LRRK1: variants seen among roughly 807,000 people sequenced by gnomAD.
The protein encoded by LRRK1 is leucine-rich repeat serine/threonine-protein kinase 1.
Under a neutral mutation model 209.1 loss-of-function variants are expected in LRRK1, and 113 were observed. The ratio of observed to expected loss-of-function variants is 0.54; its 90% CI spans 0.46 to 0.63. The LOEUF is 0.63. Among genes scored for constraint, LRRK1 ranks in the 30% least tolerant of loss-of-function variants. The pLI is 0.00. For missense variants in LRRK1, 2,284 were observed against 2,632.2 expected, an observed-to-expected ratio of 0.87 and a Z score of 2.89; for synonymous variants, 1,144 against 1,099.7, an observed-to-expected ratio of 1.04 and a Z score of -0.80.
chr15:101,051,588 A>G (rs1386506409), intron 23 of LRRK1, 123 bp from the exon 24 acceptor site: 2 of 1,271,406 alleles, frequency 1.6e-6, no homozygotes, highest in Non-Finnish European at 2.2e-6. Flanking sequence ...TCTCTTGGGT[A>G]CAGGCCAGGA....
At chr15:101,021,781 T>C (rs1418990618) in intron 13 of LRRK1, 64 bp from the exon 14 acceptor site, 145 of 4,198 alleles carry the variant, frequency 0.035, no homozygotes, top group South Asian at 0.22. Flanking sequence ...TGTGCGTGTG[T>C]GTGTGTGTGT....
At chr15:101,010,155 C>T (rs2141693108) in intron 7 of LRRK1, among the ~76,000 whole-genome samples, 1 of 152,334 alleles carries the variant, frequency 6.6e-6, no homozygotes, top group African/African-American at 2.4e-5. Context: ...GTGGTCTCAG[C>T]AGCTTTCAGG....
intron 31 of LRRK1, chr15:101,065,057 A>G: frequency 2.2e-6 from 1 of 445,944 alleles, no homozygotes; most frequent in African/African-American, 2.0e-5. Context: ...GCAGAAGCAG[A>G]GGCAGCCCAT....
chr15:101,031,363 A>G (rs4965764), intron 20 of LRRK1, among the ~76,000 whole-genome samples: 148,079 of 152,308 alleles, frequency 0.97, 72,125 homozygotes, highest in East Asian at 1. Flanking sequence ...AGAGTCACGC[A>G]ATATGGTCTC....
chr15:100,920,193 ACCTACC>A (rs2041996682), intron 1 of LRRK1: 1 of 152,516 alleles, frequency 6.6e-6, no homozygotes, highest in African/African-American at 2.4e-5. Context: ...GGCCATCTCA[ACCTACC>A]CCTTCACAGT....
At chr15:101,045,634 A>G (rs1425582944) in intron 20 of LRRK1, among the ~76,000 whole-genome samples, 2 of 152,152 alleles carry the variant, frequency 1.3e-5, no homozygotes, top group African/African-American at 4.8e-5. Flanking sequence ...TTATTTCCCC[A>G]ACTGCAACCC....
chr15:100,973,926 C>T lies in LRRK1; in HGVS notation c.220C>T (p.Leu74=), dbSNP rs1167379918. ...RGDRGGARDL[L]EEACDQCASQ... ...AGACCGCGGCGGCGCCCGGGACCTG[C>T]TGGAGGAGGCCTGCGACCAGTGCGC... The change falls in exon 3 of 34, where the codon CTG becomes TTG. Residue 74 remains leucine, a synonymous_variant. Transcript: ENST00000388948. The T allele has an allele frequency of 1.6e-6, 2 of 1,263,036 alleles. No individual in the cohort carries two copies. Among genetic ancestry groups the T allele is most frequent in the Non-Finnish European group, 2.0e-6 (2 of 998,534 alleles). 78.2% of individuals were successfully genotyped at this position (1,263,036 alleles called of 1,614,324 possible).
In LRRK1 at chr15:101,047,324, C is replaced by A. The variant is rs114460549; in HGVS notation, c.3136-1170C>A. Among the ~76,000 whole-genome samples the A allele has an allele frequency of 4.2e-3, 639 of 152,332 alleles. 6 individuals are homozygous for A. Among genetic ancestry groups the A allele is most frequent in the African/African-American group, 0.015 (615 of 41,572 alleles). ...AGCGGGGAGGGAGATGGGTTAATAG[C>A]GCCAGAAGGGTGCACTGATTGAAGG... On this transcript the variant is annotated intron_variant, in intron 21 of 33. Coordinates refer to ENST00000388948, the MANE Select transcript of LRRK1 (RefSeq NM_024652.6).
At chr15:101,053,487 A>T in intron 26 of LRRK1, 67 bp downstream of exon 26, 1 of 1,384,718 alleles carries the variant, frequency 7.2e-7, no homozygotes, top group Non-Finnish European at 9.8e-7. Flanking sequence ...CCTGCCTGGC[A>T]CGGGGGGTAG....
In LRRK1 at chr15:101,053,219, G is replaced by A; in HGVS notation, c.3857-4G>A. The A allele has an allele frequency of 6.2e-7, 1 of 1,604,722 alleles. No homozygotes were observed. The highest frequency in any genetic ancestry group is 8.5e-7 in the Non-Finnish European group (1 of 1,179,770). ...ACTGGCTGACACTGCGCTGTCCCTGGCAGACACCATGCTGAGGCACCTGCG... is the reference window on the plus strand; with the variant it reads ...ACTGGCTGACACTGCGCTGTCCCTGACAGACACCATGCTGAGGCACCTGCG... On this transcript the variant is annotated splice_polypyrimidine_tract_variant and splice_region_variant and intron_variant, in intron 25 of 33. Coordinates refer to ENST00000388948, the MANE Select transcript of LRRK1 (RefSeq NM_024652.6).
intron 2 of LRRK1, among the ~76,000 whole-genome samples, chr15:100,956,355 T>C (rs2042755554): frequency 6.6e-6 from 1 of 151,670 alleles, no homozygotes; most frequent in Non-Finnish European, 1.5e-5. Context: ...TTTATAATTG[T>C]ATTTATTTGA....
chr15:100,928,174 G>C (rs952698913), intron 2 of LRRK1, among the ~76,000 whole-genome samples: 1 of 152,178 alleles, frequency 6.6e-6, no homozygotes, highest in African/African-American at 2.4e-5. Context: ...GTTTATTTAA[G>C]TACTGATGAT....
rs895547289 is a variant in LRRK1 at position 101,025,863 on chromosome 15, C to A, written c.2233-102C>A. ...CTGCAGATTGGTGGCTGAGCAAGGG[C>A]CGTGGCATCCAGGGTCAGCGCACCT... On this transcript the variant is annotated intron_variant, in intron 16 of 33. Coordinates refer to ENST00000388948, the MANE Select transcript of LRRK1 (RefSeq NM_024652.6). The A allele has an allele frequency of 1.1e-5, 14 of 1,251,170 alleles. No individual in the cohort carries two copies. In the African/African-American group the frequency reaches 2.1e-4, roughly 19 times the overall value. The allele number at this position is 1,251,170 out of a possible 1,614,324, so 77.5% of individuals were successfully genotyped here. A position where few individuals can be genotyped will look rare whatever the true frequency, so the allele number is the denominator to read the frequency against.
chr15:101,055,777 T>C (rs974456109), intron 27 of LRRK1, among the ~76,000 whole-genome samples: 1 of 152,260 alleles, frequency 6.6e-6, no homozygotes, highest in Non-Finnish European at 1.5e-5. Flanking sequence ...CATTTATCCC[T>C]GATGGCTACT....
At chr15:100,991,481 C>G (rs1236880999) in intron 6 of LRRK1, among the ~76,000 whole-genome samples, 1 of 152,012 alleles carries the variant, frequency 6.6e-6, no homozygotes, top group Non-Finnish European at 1.5e-5. Flanking sequence ...AATGAACTAT[C>G]TATATATTTA....
chr15:101,055,425 G>A (rs1487283448), intron 27 of LRRK1, among the ~76,000 whole-genome samples: 1 of 152,138 alleles, frequency 6.6e-6, no homozygotes, highest in Non-Finnish European at 1.5e-5. Flanking sequence ...TTGTAGCAAA[G>A]TTGACTTCTC....
chr15:100,989,280 G>T lies in LRRK1; in HGVS notation c.644G>T (p.Arg215Leu), dbSNP rs368091026. ...GNEDIAIFLL[R>L]HGAYFCSYIL... ...GAAGACATTGCAATATTCCTGCTTCGGCATGGGGCCTATTTCTGTTCCTAC... is the reference window on the plus strand; with the variant it reads ...GAAGACATTGCAATATTCCTGCTTCTGCATGGGGCCTATTTCTGTTCCTAC... Residue 215 changes from arginine (R) to leucine (L), a missense_variant, in exon 6 of 34, where the codon CGG becomes CTG. Around this residue, in one of 6 missense-constraint regions of LRRK1, gnomAD observed 134 missense variants for 191.7 expected, o/e 0.70. Transcript: ENST00000388948. 1.9e-6 allele frequency: 3 copies of T among 1,613,950 alleles called. No individual in the cohort carries two copies. Among genetic ancestry groups the T allele is most frequent in the African/African-American group, 2.7e-5 (2 of 74,902 alleles).
At chr15:100,999,264 A>G (rs1045069809) in intron 6 of LRRK1, among the ~76,000 whole-genome samples, 1 of 152,246 alleles carries the variant, frequency 6.6e-6, no homozygotes, top group Non-Finnish European at 1.5e-5. Context: ...AAAAAAGTAC[A>G]ATGTTGCTTT....
chr15:100,948,626 A>G (rs1385654810), intron 2 of LRRK1, among the ~76,000 whole-genome samples: 4 of 152,222 alleles, frequency 2.6e-5, no homozygotes, highest in African/African-American at 9.7e-5. Flanking sequence ...ATGTTTGGCC[A>G]TAAAACAAGC....
Sources: gnomAD v4.1 joint callset for allele counts (sites outside exome capture counted in the v4.1 genomes callset) on GRCh38, gnomAD v4.1.1 for gene constraint, gnomAD v4.1.1 regional missense constraint, MANE v1.5 for transcripts, NCBI Gene and HGNC (gene_info 2026-07-23, HGNC 2026-07-21) for gene names.